The following TAF4B variants were observed in gnomAD, a reference collection of about 807,000 sequenced individuals.
TAF4B encodes TATA-box binding protein associated factor 4b, also known as transcription initiation factor TFIID subunit 4B.
TAF4B carries 38 observed loss-of-function variants against 86.4 expected under a neutral mutation model. The observed-to-expected ratio is 0.44, with a 90% CI of 0.34 to 0.58. TAF4B has a LOEUF of 0.58. TAF4B is among the 20% of genes least tolerant of loss of function. The probability of loss-of-function intolerance (pLI) is 0.02; values close to 1 mark genes in which losing one functional copy is unlikely to be tolerated. For synonymous variants in TAF4B, 388 were observed against 391.2 expected (o/e 0.99, Z 0.10); for missense variants, 988 against 1,027.6 (o/e 0.96, Z 0.53).
At chr18:26,385,024 G>A (rs1332629424) in intron 14 of TAF4B, among the ~76,000 whole-genome samples, 1 of 152,134 alleles carries the variant, frequency 6.6e-6, no homozygotes, top group Non-Finnish European at 1.5e-5. Flanking sequence ...CTACATTACC[G>A]TGGATGGTGG....
chr18:26,272,192 G>A (rs760992321), intron 3 of TAF4B, among the ~76,000 whole-genome samples: 9 of 152,230 alleles, frequency 5.9e-5, no homozygotes, highest in Non-Finnish European at 1.2e-4. Flanking sequence ...CTAATCTTCC[G>A]GTTGCGTCTA....
intron 3 of TAF4B, among the ~76,000 whole-genome samples, chr18:26,273,779 A>G (rs1271482284): frequency 6.6e-6 from 1 of 152,188 alleles, no homozygotes; most frequent in Non-Finnish European, 1.5e-5. Flanking sequence ...TGTACATTCA[A>G]ATTCACCTAT....
At chr18:26,309,299 G>T (rs1313136626) in intron 9 of TAF4B, among the ~76,000 whole-genome samples, 1 of 116,272 alleles carries the variant, frequency 8.6e-6, no homozygotes, top group African/African-American at 3.2e-5. Flanking sequence ...TAAAGTTGGA[G>T]CTATCAAGCA....
At chr18:26,363,827 C>G (rs2057349371) in intron 14 of TAF4B, among the ~76,000 whole-genome samples, 2 of 152,060 alleles carry the variant, frequency 1.3e-5, no homozygotes, top group South Asian at 4.1e-4. Context: ...AGCATATAAT[C>G]CCAGAGAGAA....
At chr18:26,264,738 T>G (rs1020749711) in intron 1 of TAF4B, among the ~76,000 whole-genome samples, 2 of 152,232 alleles carry the variant, frequency 1.3e-5, no homozygotes, top group Non-Finnish European at 2.9e-5. Flanking sequence ...GATAGCTAAT[T>G]GACCAGCCCC....
intron 1 of TAF4B, among the ~76,000 whole-genome samples, chr18:26,262,997 C>T (rs542594353): frequency 4.6e-5 from 7 of 152,072 alleles, no homozygotes; most frequent in Admixed American, 2.0e-4. Context: ...GTCACCTAGG[C>T]GGAAGTGCAG....
chr18:26,309,826 T>C (rs1167589600), intron 9 of TAF4B, among the ~76,000 whole-genome samples: 1 of 151,976 alleles, frequency 6.6e-6, no homozygotes, highest in African/African-American at 2.4e-5. Flanking sequence ...TATTAATATT[T>C]ATTTTTTATT....
intron 9 of TAF4B, among the ~76,000 whole-genome samples, chr18:26,306,072 T>C (rs1257704906): frequency 2.6e-5 from 4 of 152,260 alleles, no homozygotes; most frequent in Non-Finnish European, 5.9e-5. Flanking sequence ...GATCACGGTC[T>C]GTGGTGTTAG....
At position 26,315,369 on chromosome 18, in the gene TAF4B, G is replaced by C. The variant is rs781680681; in HGVS notation, c.1973G>C (p.Gly658Ala). ...AAAGATGAACCATTTCTTTTTATTG[G>C]AGCTCTACAAAAGAGAATTTTAGAC... ...SCKDEPFLFI[G>A]ALQKRILDIG... Residue 658 changes from glycine to alanine, a missense_variant, in exon 10 of 15, where the codon GGA becomes GCA. By Grantham distance (60) the Gly-to-Ala change is moderately conservative. This residue lies in a region of TAF4B where 216 missense variants were observed against 238.4 expected (regional missense o/e 0.91). Transcript: ENST00000269142. 3 of 1,613,052 alleles carry C rather than the reference G, an allele frequency of 1.9e-6. No homozygotes were observed. The highest frequency in any genetic ancestry group is 1.1e-5 in the South Asian group (1 of 91,014).
At chr18:26,269,111 C>T (rs9962036) in intron 3 of TAF4B, among the ~76,000 whole-genome samples, 12,156 of 152,198 alleles carry the variant, frequency 0.08, 1,494 homozygotes, top group African/African-American at 0.27. Flanking sequence ...CATGAGCCAC[C>T]GCACCCGACT....
In TAF4B at chr18:26,321,166, C is replaced by G. The variant is rs1246841901; in HGVS notation, c.2099C>G (p.Thr700Ser). Residue 700 changes from threonine (T) to serine (S), a missense_variant, in exon 11 of 15, where the codon ACT becomes AGT. By Grantham distance (58) the Thr-to-Ser change is moderately conservative. This residue lies in a region of TAF4B where 216 missense variants were observed against 238.4 expected (regional missense o/e 0.91). Transcript: ENST00000269142. The stretch of plus-strand genomic sequence containing the variant: ...CTACGAGGCCTTCTAGAAAAACTGA[C>G]TGCAATTGCTCAGCATCGAATGACT... Reference protein sequence around the residue: ...ERLRGLLEKLTAIAQHRMTTY... With the variant: ...ERLRGLLEKLSAIAQHRMTTY... 1 of 1,613,816 alleles carries G rather than the reference C, an allele frequency of 6.2e-7. No homozygotes were observed. Among genetic ancestry groups the G allele is most frequent in the East Asian group, 2.2e-5 (1 of 44,828 alleles).
chr18:26,315,190 C>CACACACAAACAAAA, intron 9 of TAF4B, 39 bp from the exon 10 acceptor site: 1 of 1,395,224 alleles, frequency 7.2e-7, no homozygotes, highest in Non-Finnish European at 9.6e-7. Context: ...CACACACACA[C>CACACACAAACAAAA]ACAACCTAAA....
chr18:26,234,367 G>A (rs1442269705), intron 1 of TAF4B, among the ~76,000 whole-genome samples: 1 of 152,216 alleles, frequency 6.6e-6, no homozygotes, highest in Non-Finnish European at 1.5e-5. Flanking sequence ...TTTCCTTGAG[G>A]TATTTAATGG....
intron 3 of TAF4B, among the ~76,000 whole-genome samples, chr18:26,270,438 A>G (rs2056298285): frequency 6.6e-6 from 1 of 152,198 alleles, no homozygotes; most frequent in African/African-American, 2.4e-5. Context: ...CTTAGTAATC[A>G]TAGCCAGTGA....
intron 9 of TAF4B, among the ~76,000 whole-genome samples, chr18:26,313,669 A>T: frequency 7.0e-6 from 1 of 143,862 alleles, no homozygotes; most frequent in African/African-American, 2.8e-5. Context: ...ACTTTCCTTG[A>T]GTTTTTTTTT....
intron 13 of TAF4B, among the ~76,000 whole-genome samples, chr18:26,338,012 C>T (rs908543372): frequency 1.3e-5 from 2 of 152,108 alleles, no homozygotes; most frequent in African/African-American, 4.8e-5. Context: ...TGCAGAACTT[C>T]GAAGAACTGT....
intron 1 of TAF4B, among the ~76,000 whole-genome samples, chr18:26,262,535 C>T (rs545742696): frequency 6.0e-5 from 9 of 150,892 alleles, no homozygotes; most frequent in Non-Finnish European, 1.3e-4. Context: ...AGTGCAGTGA[C>T]GCGATCTCGG....
intron 12 of TAF4B, among the ~76,000 whole-genome samples, chr18:26,332,894 C>G (rs1244684452): frequency 6.6e-6 from 1 of 152,070 alleles, no homozygotes; most frequent in Non-Finnish European, 1.5e-5. Context: ...TACAAGGCAA[C>G]ACATGATCTC....
rs374652887 is a variant in TAF4B, at chr18:26,315,161, TCACA to T, written c.1833-39_1833-36del. ...CTCTCTCTCTGTCTCTCTCTCTCTC[TCACA>T]CACACACACACACACACACACACAC... On this transcript the variant is annotated intron_variant, in intron 9 of 14. Coordinates refer to ENST00000269142, the MANE Select transcript of TAF4B (RefSeq NM_005640.3). 3.4e-3 allele frequency: 749 copies of T among 222,580 alleles called. 3 individuals carry two copies. Among genetic ancestry groups the T allele is most frequent in the Middle Eastern group, 0.014 (8 of 584 alleles). The allele number at this position is 222,580 out of a possible 1,614,324, so 13.8% of individuals were successfully genotyped here. A position where few individuals can be genotyped will look rare whatever the true frequency, so the allele number is the denominator to read the frequency against.
Sources: allele counts gnomAD v4.1 joint callset (sites outside exome capture counted in the v4.1 genomes callset), GRCh38; gene constraint gnomAD v4.1.1; regional missense constraint gnomAD v4.1.1; transcripts MANE v1.5; gene names NCBI Gene and HGNC (gene_info 2026-07-23, HGNC 2026-07-21).